Variants in ZNF506 observed in about 807,000 individuals in gnomAD.
The protein encoded by ZNF506 is zinc finger protein 506.
A neutral mutation model predicts 11.6 loss-of-function variants in ZNF506; 10 were observed. The observed-to-expected ratio is 0.86, with a 90% CI of 0.53 to 1.46. ZNF506 has a LOEUF of 1.46. ZNF506 is among the 40% of genes most tolerant of loss of function. The pLI is 0.00. For synonymous variants in ZNF506, 156 were observed against 173.3 expected (o/e 0.90, Z 0.78); for missense variants, 425 against 521.2 (o/e 0.82, Z 1.80).
rs1040592016 is a variant in ZNF506, at chr19:19,793,657, T to C, written c.*895A>G. ...AGTAATTGCACTTTTATTGCTTTTATTAACTATGAACCTTCTGTTGAGATG... is the reference window on the plus strand; with the variant it reads ...AGTAATTGCACTTTTATTGCTTTTACTAACTATGAACCTTCTGTTGAGATG... On this transcript the variant is annotated 3_prime_UTR_variant, in exon 4 of 4. Transcript: ENST00000540806. Among the ~76,000 whole-genome samples the C allele has an allele frequency of 2.0e-5, 3 of 152,252 alleles. No homozygotes were observed. The highest frequency in any genetic ancestry group is 4.4e-5 in the Non-Finnish European group (3 of 68,054).
At position 19,806,116 on chromosome 19, in the gene ZNF506, G is replaced by T. The variant is rs1555772055; in HGVS notation, c.141C>A (p.Val47=). ...YRNLIFLGIV[V]SKPNLITCLE... is the part of the protein sequence containing the mutation. The stretch of plus-strand genomic sequence containing the variant: ...GACAGGTGATCAGGTTTGGTTTAGA[G>T]ACAACAATACCTGTTTTATTAAGAA... Residue 47 remains valine, a synonymous_variant, in exon 3 of 4, where the codon GTC becomes GTA. Transcript: ENST00000540806. 6.2e-7 allele frequency: 1 copy of T among 1,602,830 alleles called. No individual in the cohort carries two copies.
In ZNF506 at chr19:19,795,322, T is replaced by G. The variant is rs16996376; in HGVS notation, c.565A>C (p.Thr189Pro). Residue 189 changes from threonine (T) to proline (P), a missense_variant, in exon 4 of 4, where the codon ACT (threonine) becomes CCT (proline). Physicochemically the swap from Thr to Pro is conservative, Grantham distance 38. Around this residue, in one of 3 missense-constraint regions of ZNF506, gnomAD observed 226 missense variants for 279.1 expected, o/e 0.81. Coordinates refer to ENST00000540806, the MANE Select transcript of ZNF506 (RefSeq NM_001099269.3). ...CCAGCATCAATTTTCTTATATGTAGTACGGGTTGAAGACTGGTTAAAAGTT... is the reference window on the plus strand; with the variant it reads ...CCAGCATCAATTTTCTTATATGTAGGACGGGTTGAAGACTGGTTAAAAGTT... ...GKTFNQSSTR[T>P]TYKKIDAGEK... The G allele has an allele frequency of 0.017, 27,649 of 1,613,786 alleles. 1,777 individuals are homozygous for G. In the African/African-American group the frequency reaches 0.21, roughly 12 times the overall value.
chr19:19,810,271 G>A (rs534375418), intron 1 of ZNF506, among the ~76,000 whole-genome samples: 19 of 152,218 alleles, frequency 1.2e-4, no homozygotes, highest in African/African-American at 3.9e-4. Context: ...GTACAGATAA[G>A]GACAACCCAT....
At chr19:19,807,110 G>C (rs770656439) in intron 1 of ZNF506, 42 bp from the exon 2 acceptor site, 2 of 1,609,076 alleles carry the variant, frequency 1.2e-6, no homozygotes, top group Non-Finnish European at 1.7e-6. Flanking sequence ...AGTGGCCATG[G>C]GTGGAATTTT....
rs765824019 is a variant in ZNF506 at position 19,806,968 on chromosome 19, T to A, written c.104A>T (p.Glu35Val). 3.2e-5 allele frequency: 51 copies of A among 1,613,712 alleles called. No individual in the cohort carries two copies. The Admixed American group carries it at 8.3e-4, about 26-fold the overall frequency. ...QRNLYRDVML[E>V]NYRNLIFLGI... is the part of the protein sequence containing the mutation. The stretch of plus-strand genomic sequence containing the variant: ...AAGGAAGATCAGGTTTCTGTAGTTC[T>A]CTAACATCACATCCCTATATAGATT... The change falls in exon 2 of 4, where the codon GAG (glutamate) becomes GTG (valine). Residue 35 changes from glutamate (E) to valine (V), a missense_variant. By Grantham distance (121) the Glu-to-Val change is moderately radical. Transcript: ENST00000540806.
At chr19:19,809,652 A>C (rs1002297983) in intron 1 of ZNF506, among the ~76,000 whole-genome samples, 4 of 152,188 alleles carry the variant, frequency 2.6e-5, no homozygotes, top group Non-Finnish European at 5.9e-5. Context: ...GAGATTCAGG[A>C]ACAATGAGCT....
chr19:19,808,925 G>C (rs1392142383), intron 1 of ZNF506, among the ~76,000 whole-genome samples: 1 of 150,644 alleles, frequency 6.6e-6, no homozygotes, highest in Non-Finnish European at 1.5e-5. Context: ...ATTTTTAGTA[G>C]TAATTTTAAG....
At chr19:19,808,482 G>C (rs2062855344) in intron 1 of ZNF506, among the ~76,000 whole-genome samples, 1 of 151,390 alleles carries the variant, frequency 6.6e-6, no homozygotes, top group South Asian at 2.1e-4. Context: ...GCTCACAGAA[G>C]AACACAGCAT....
At position 19,821,709 on chromosome 19, in the gene ZNF506, G is replaced by A. The variant is rs1326632672; in HGVS notation, c.-106C>T. The A allele has an allele frequency of 7.0e-7, 1 of 1,427,000 alleles. No homozygotes were observed. Among genetic ancestry groups the A allele is most frequent in the South Asian group, 1.1e-5 (1 of 87,232 alleles). 88.4% of individuals were successfully genotyped at this position (1,427,000 alleles called of 1,614,324 possible). Reference sequence around the variant, plus strand: ...CTCTAGGAGCTGACGGCACAGAGCAGTGAAGACGATAGCTGGATCTCTGGC... The same window carrying A: ...CTCTAGGAGCTGACGGCACAGAGCAATGAAGACGATAGCTGGATCTCTGGC... On this transcript the variant is annotated 5_prime_UTR_variant, in exon 1 of 4. Coordinates refer to ENST00000540806, the MANE Select transcript of ZNF506 (RefSeq NM_001099269.3).
chr19:19,814,332 C>CA (rs1368717609), intron 1 of ZNF506, among the ~76,000 whole-genome samples: 1 of 151,040 alleles, frequency 6.6e-6, no homozygotes, highest in Non-Finnish European at 1.5e-5. Context: ...TGCTTGAACC[C>CA]AGGAGGTGGA....
intron 2 of ZNF506, 89 bp from the exon 3 acceptor site, chr19:19,806,215 G>A (rs1201501823): frequency 1.1e-5 from 10 of 941,298 alleles, no homozygotes; most frequent in Admixed American, 8.9e-5. Flanking sequence ...ATGTGATAAA[G>A]TATTCTAGTA....
chr19:19,803,502 CTAA>C (rs1357058487), intron 3 of ZNF506, among the ~76,000 whole-genome samples: 1 of 152,188 alleles, frequency 6.6e-6, no homozygotes, highest in East Asian at 1.9e-4. Flanking sequence ...AAAACATGTC[CTAA>C]TGTCTGCCCT....
intron 3 of ZNF506, among the ~76,000 whole-genome samples, chr19:19,802,844 CA>C (rs1399224775): frequency 2.0e-5 from 3 of 151,934 alleles, no homozygotes; most frequent in Non-Finnish European, 4.4e-5. Context: ...CCTCTTACAG[CA>C]AAAAAAGGTT....
chr19:19,811,863 A>G (rs2062886062), intron 1 of ZNF506, among the ~76,000 whole-genome samples: 1 of 152,182 alleles, frequency 6.6e-6, no homozygotes, highest in South Asian at 2.1e-4. Flanking sequence ...CCACAACAAT[A>G]TAAAGTGGCC....
chr19:19,792,944 C>T lies in ZNF506; in HGVS notation c.*1608G>A, dbSNP rs1415060845. ...ACTTACATTTTTATCATGCATCTTACATTTTAATGTCCTTATTCTTTTATA... is the reference window on the plus strand; with the variant it reads ...ACTTACATTTTTATCATGCATCTTATATTTTAATGTCCTTATTCTTTTATA... On this transcript the variant is annotated 3_prime_UTR_variant, in exon 4 of 4. Transcript: ENST00000540806. Among the ~76,000 whole-genome samples, 2 of 152,182 alleles carry T rather than the reference C, an allele frequency of 1.3e-5. No individual in the cohort carries two copies. Among genetic ancestry groups the T allele is most frequent in the Admixed American group, 6.5e-5 (1 of 15,272 alleles).
chr19:19,795,251 C>T lies in ZNF506; in HGVS notation c.636G>A (p.Gln212=). The part of the protein sequence containing the change: ...KCEECGKAYK[Q]SSHLTTHKKI... The stretch of plus-strand genomic sequence containing the variant: ...TCTTATGTGTAGTAAGGTGTGAGGA[C>T]TGCTTATAGGCTTTACCACATTCTT... Residue 212 remains glutamine (Q), a synonymous_variant, in exon 4 of 4, where the codon CAG becomes CAA. Transcript: ENST00000540806. The T allele has an allele frequency of 6.2e-7, 1 of 1,613,962 alleles. No individual in the cohort carries two copies. Among genetic ancestry groups the T allele is most frequent in the Non-Finnish European group, 8.5e-7 (1 of 1,179,940 alleles).
chr19:19,794,538 C>G lies in ZNF506; in HGVS notation c.*14G>C. The G allele has an allele frequency of 1.3e-6, 2 of 1,570,368 alleles. No individual in the cohort carries two copies. The highest frequency in any genetic ancestry group is 1.7e-6 in the Non-Finnish European group (2 of 1,162,066). On this transcript the variant is annotated 3_prime_UTR_variant, in exon 4 of 4. Transcript: ENST00000540806. The stretch of plus-strand genomic sequence containing the variant: ...CACATTCATCACATTCATACGGTTT[C>G]TCTCCAGTATGAATTATCTTATGCT...
rs774185519 is a variant in ZNF506 at position 19,821,716 on chromosome 19, C to G, written c.-113G>C. The G allele has an allele frequency of 7.3e-7, 1 of 1,374,344 alleles. No individual in the cohort carries two copies. Among genetic ancestry groups the G allele is most frequent in the Non-Finnish European group, 1.0e-6 (1 of 966,532 alleles). The allele number at this position is 1,374,344 out of a possible 1,614,324, so 85.1% of individuals were successfully genotyped here. Reference sequence around the variant, plus strand: ...AGCTGACGGCACAGAGCAGTGAAGACGATAGCTGGATCTCTGGCGTCAGCG... The same window carrying G: ...AGCTGACGGCACAGAGCAGTGAAGAGGATAGCTGGATCTCTGGCGTCAGCG... On this transcript the variant is annotated 5_prime_UTR_variant, in exon 1 of 4. Transcript: ENST00000540806.
At chr19:19,801,929 C>T (rs943460149) in intron 3 of ZNF506, among the ~76,000 whole-genome samples, 2 of 148,472 alleles carry the variant, frequency 1.3e-5, no homozygotes, top group African/African-American at 2.5e-5. Flanking sequence ...GCCAGCCAGG[C>T]GCAGTGGCTC....
Sources: allele counts gnomAD v4.1 joint callset (sites outside exome capture counted in the v4.1 genomes callset), GRCh38; gene constraint gnomAD v4.1.1; regional missense constraint gnomAD v4.1.1; transcripts MANE v1.5; gene names NCBI Gene and HGNC (gene_info 2026-07-23, HGNC 2026-07-21).